The following ARAP2 variants were observed in gnomAD, a reference collection of about 807,000 sequenced individuals.
The protein encoded by ARAP2 is arf-GAP with Rho-GAP domain, ANK repeat and PH domain-containing protein 2.
A neutral mutation model predicts 194.5 loss-of-function variants in ARAP2; 148 were observed. The observed-to-expected ratio is 0.76, with a 90% confidence interval of 0.67 to 0.87. The LOEUF is 0.87. Ranked by LOEUF, ARAP2 falls within the 40% of genes least tolerant of loss-of-function variation. The pLI is 0.00. For synonymous variants in ARAP2, 695 were observed against 683.5 expected (o/e 1.02, Z -0.26); for missense variants, 2,128 against 1,989.7 (o/e 1.07, Z -1.32).
chr4:36,152,476 T>C (rs1731227182), intron 15 of ARAP2, among the ~76,000 whole-genome samples: 1 of 152,162 alleles, frequency 6.6e-6, no homozygotes, highest in Non-Finnish European at 1.5e-5. Flanking sequence ...AGAATCTTTG[T>C]AAGAGAATAA....
chr4:36,103,976 A>C (rs1717702526), intron 27 of ARAP2, among the ~76,000 whole-genome samples: 1 of 151,946 alleles, frequency 6.6e-6, no homozygotes, highest in South Asian at 2.1e-4. Context: ...AATTTGTTCT[A>C]CATATCAGGA....
At chr4:36,051,596 T>C (rs1028030256) in intron 3 of ARAP2, among the ~76,000 whole-genome samples, 1 of 152,190 alleles carries the variant, frequency 6.6e-6, no homozygotes, top group African/African-American at 2.4e-5. Context: ...AAATTGATTT[T>C]GTAATTTTCT....
At chr4:36,215,671 T>C (rs1464738380) in intron 2 of ARAP2, among the ~76,000 whole-genome samples, 1 of 152,144 alleles carries the variant, frequency 6.6e-6, no homozygotes, top group African/African-American at 2.4e-5. Context: ...TACAATCCAG[T>C]AATAAGAAAT....
intron 6 of ARAP2, among the ~76,000 whole-genome samples, chr4:36,017,585 A>AAAAAAAAAAAAAAAAAAC (rs1716084163): frequency 6.6e-6 from 1 of 150,382 alleles, no homozygotes; most frequent in African/African-American, 2.4e-5. Context: ...AAAAAAAAAA[A>AAAAAAAAAAAAAAAAAAC]AAGCTTTCTG....
At chr4:36,112,488 T>A (rs16991940) in intron 26 of ARAP2, among the ~76,000 whole-genome samples, 45,867 of 151,810 alleles carry the variant, frequency 0.3, 8,177 homozygotes, top group East Asian at 0.47. Flanking sequence ...GAAAGATATT[T>A]CTGGCAATAA....
chr4:36,018,695 G>C (rs896599762), intron 6 of ARAP2, among the ~76,000 whole-genome samples: 1 of 152,106 alleles, frequency 6.6e-6, no homozygotes, highest in African/African-American at 2.4e-5. Flanking sequence ...AACATTAGCT[G>C]AGCATATACT....
At chr4:36,200,456 T>A (rs1232298662) in intron 6 of ARAP2, among the ~76,000 whole-genome samples, 1 of 152,050 alleles carries the variant, frequency 6.6e-6, no homozygotes, top group Admixed American at 6.6e-5. Context: ...GGTTTCTCCG[T>A]GTTGGTCAGG....
At position 36,217,522 on chromosome 4, in the gene ARAP2, A is replaced by AAAAT. The variant is rs1335392299; in HGVS notation, c.906-3046_906-3043dup. On this transcript the variant is annotated intron_variant, in intron 2 of 32. Transcript: ENST00000303965. Reference sequence around the variant, plus strand: ...GGTGACAGAGGGAGACAGCGTCTCAAAAATAAATAAATAAATAAAATACAA... The same window carrying AAAAT: ...GGTGACAGAGGGAGACAGCGTCTCAAAAATAAATAAATAAATAAATAAAATACAA... Among the ~76,000 whole-genome samples the AAAAT allele has an allele frequency of 3.0e-4, 45 of 152,320 alleles. No individual in the cohort carries two copies. The East Asian group carries it at 7.7e-3, about 26-fold the overall frequency.
At chr4:36,033,642 T>A (rs955367104) in intron 5 of ARAP2, among the ~76,000 whole-genome samples, 2 of 152,204 alleles carry the variant, frequency 1.3e-5, no homozygotes, top group Non-Finnish European at 2.9e-5. Flanking sequence ...GCAGAAGCTC[T>A]TAAGTTTAAT....
intron 8 of ARAP2, among the ~76,000 whole-genome samples, chr4:36,185,978 C>CA (rs1054588041): frequency 1.2e-3 from 157 of 135,046 alleles, no homozygotes; most frequent in South Asian, 7.4e-3. Flanking sequence ...AACTCTGTCT[C>CA]AAAAAAAAAA....
At chr4:36,171,413 C>A (rs1163910309) in intron 9 of ARAP2, among the ~76,000 whole-genome samples, 1 of 151,830 alleles carries the variant, frequency 6.6e-6, no homozygotes, top group African/African-American at 2.4e-5. Context: ...AGCAAACTAT[C>A]GCAAGGACAA....
chr4:36,187,305 T>G (rs1311777741), intron 8 of ARAP2, 146 bp downstream of exon 8: 1 of 429,720 alleles, frequency 2.3e-6, no homozygotes, highest in African/African-American at 2.1e-5. Flanking sequence ...TGTTTTAACA[T>G]TATGCATTTG....
intron 15 of ARAP2, chr4:36,157,487 ATAAAAATGCT>A (rs971135523): frequency 2.0e-5 from 3 of 152,202 alleles, no homozygotes; most frequent in Non-Finnish European, 4.4e-5. Flanking sequence ...AATTCAAAGG[ATAAAAATGCT>A]CGGCCATTCT....
rs201187237 is a variant in ARAP2 at position 36,159,421 on chromosome 4, C to T, written c.2527G>A (p.Gly843Arg). ...FSGADVMCAT[G>R]DPVHSTPYLL... The stretch of plus-strand genomic sequence containing the variant: ...TAGGGGGTGCTATGCACGGGGTCTC[C>T]GGTGGCACACATGACATCTGCTCCA... The change falls in exon 14 of 33, where the codon GGA becomes AGA. Residue 843 changes from glycine to arginine, a missense_variant. Transcript: ENST00000303965. 27 of 1,611,410 alleles carry T rather than the reference C, an allele frequency of 1.7e-5. No individual in the cohort carries two copies. Among genetic ancestry groups the T allele is most frequent in the East Asian group, 2.2e-5 (1 of 44,780 alleles).
intron 2 of ARAP2, among the ~76,000 whole-genome samples, chr4:36,226,742 G>A (rs1416093910): frequency 1.3e-5 from 2 of 152,144 alleles, no homozygotes; most frequent in African/African-American, 2.4e-5. Context: ...GAAGAAAGAG[G>A]TGGAATTTTG....
chr4:36,134,213 ATAC>A (rs1292623630), intron 19 of ARAP2, among the ~76,000 whole-genome samples: 1 of 151,804 alleles, frequency 6.6e-6, no homozygotes, highest in Non-Finnish European at 1.5e-5. Flanking sequence ...TGTATAAACT[ATAC>A]TACTAAAGAA....
chr4:36,153,229 G>A (rs1031934009), intron 15 of ARAP2, among the ~76,000 whole-genome samples: 16 of 152,252 alleles, frequency 1.1e-4, no homozygotes, highest in African/African-American at 3.6e-4. Context: ...GCAGGTGCAC[G>A]TATTGTCTTT....
intron 27 of ARAP2, 24 bp downstream of exon 27, chr4:36,107,541 G>A (rs768986936): frequency 6.3e-7 from 1 of 1,585,630 alleles, no homozygotes; most frequent in Non-Finnish European, 8.6e-7. Flanking sequence ...AATCATAGCT[G>A]CAATGTGAAG....
rs945254738 is a variant in ARAP2, at chr4:36,070,304, A to G, written c.4744-2026T>C. Reference sequence around the variant, plus strand: ...TTGAATGCTATGAAGAAAGAAAGCCAAGTGCATAGACAATGGGGAAAGAAA... The same window carrying G: ...TTGAATGCTATGAAGAAAGAAAGCCGAGTGCATAGACAATGGGGAAAGAAA... On this transcript the variant is annotated intron_variant, in intron 32 of 32. Transcript: ENST00000303965. Among the ~76,000 whole-genome samples the G allele has an allele frequency of 3.3e-5, 5 of 152,198 alleles. No individual in the cohort carries two copies. The East Asian group carries it at 5.8e-4, about 18-fold the overall frequency.
Sources: allele counts gnomAD v4.1 joint callset (sites outside exome capture counted in the v4.1 genomes callset), GRCh38; gene constraint gnomAD v4.1.1; transcripts MANE v1.5; gene names NCBI Gene and HGNC (gene_info 2026-07-23, HGNC 2026-07-21).